Variants in RBFOX2 observed in about 807,000 individuals in gnomAD.
RBFOX2 encodes RNA binding fox-1 homolog 2, also known as RNA binding protein fox-1 homolog 2.
Under a neutral mutation model 49.1 loss-of-function variants are expected in RBFOX2, and 10 were observed. That is an observed-to-expected ratio of 0.20 (90% CI 0.13 to 0.35). RBFOX2 has a LOEUF of 0.35. Among genes scored for constraint, RBFOX2 ranks in the 10% least tolerant of loss-of-function variants. The pLI is 1.00. For missense variants in RBFOX2, 323 were observed against 486.9 expected (o/e 0.66, Z 3.17); for synonymous variants, 183 against 187.4 (o/e 0.98, Z 0.19).
At chr22:35,903,169 T>C (rs568095333) in intron 1 of RBFOX2, among the ~76,000 whole-genome samples, 1 of 152,190 alleles carries the variant, frequency 6.6e-6, no homozygotes, top group South Asian at 2.1e-4. Context: ...TCTATATCTG[T>C]CTCAATTTCT....
chr22:35,752,614 T>G, intron 9 of RBFOX2: 2 of 983,080 alleles, frequency 2.0e-6, no homozygotes, highest in Non-Finnish European at 2.4e-6. Context: ...CACTCCTACC[T>G]GAGGTATTTT....
chr22:35,745,677 C>T (rs1932341699), intron 11 of RBFOX2, among the ~76,000 whole-genome samples: 2 of 152,184 alleles, frequency 1.3e-5, no homozygotes, highest in South Asian at 2.1e-4. Context: ...GCAAATCATG[C>T]CACTACTCGG....
chr22:35,917,329 G>T (rs190119434), intron 1 of RBFOX2, among the ~76,000 whole-genome samples: 58 of 152,054 alleles, frequency 3.8e-4, no homozygotes, highest in Non-Finnish European at 2.9e-5. Flanking sequence ...AGCCGTCAGG[G>T]TCATGTTGAA....
chr22:35,965,276 A>G (rs2149979209), upstream of RBFOX2, among the ~76,000 whole-genome samples: 1 of 152,330 alleles, frequency 6.6e-6, no homozygotes, highest in African/African-American at 2.4e-5. Flanking sequence ...TACTAAGGCC[A>G]GGTTCAGAAT....
chr22:35,927,604 C>CAAA lies in RBFOX2; in HGVS notation c.-34+11240_-34+11242dup, dbSNP rs361700. Among the ~76,000 whole-genome samples the CAAA allele has an allele frequency of 4.2e-3, 204 of 48,568 alleles. 5 individuals are homozygous for CAAA. Among genetic ancestry groups the CAAA allele is most frequent in the African/African-American group, 6.9e-3 (91 of 13,156 alleles). 31.9% of individuals were successfully genotyped at this position (48,568 alleles called of 152,430 possible). ...GGGCAACAAGAGTGAAACTCCGTCT[C>CAAA]AAAAAAAAAAAAAAAAAAAAAAGCA... On this transcript the variant is annotated intron_variant, in intron 1 of 13. Coordinates refer to the RBFOX2 transcript ENST00000359369.
intron 1 of RBFOX2, among the ~76,000 whole-genome samples, chr22:35,985,617 G>A (rs1411939918): frequency 6.6e-6 from 1 of 152,126 alleles, no homozygotes; most frequent in East Asian, 1.9e-4. Flanking sequence ...CCCATGTGTG[G>A]GAGCCACACC....
At chr22:35,781,474 T>C in intron 3 of RBFOX2, 126 bp downstream of exon 4, 15 of 1,255,848 alleles carry the variant, frequency 1.2e-5, no homozygotes, top group Non-Finnish European at 1.7e-5. Flanking sequence ...ATGAAAAGAC[T>C]GATTTACCTC....
chr22:35,843,458 C>G (rs1434146774), upstream of RBFOX2, among the ~76,000 whole-genome samples: 1 of 152,208 alleles, frequency 6.6e-6, no homozygotes, highest in African/African-American at 2.4e-5. Flanking sequence ...AGTGTTTCAT[C>G]CAATCTCCAG....
At chr22:35,806,950 C>CT (rs1294705748) in intron 2 of RBFOX2, among the ~76,000 whole-genome samples, 1 of 152,024 alleles carries the variant, frequency 6.6e-6, no homozygotes, top group Non-Finnish European at 1.5e-5. Context: ...ATTACAGGCG[C>CT]ACACCACCAC....
At chr22:35,844,741 G>A (rs1471470506), upstream of RBFOX2, among the ~76,000 whole-genome samples, 1 of 150,334 alleles carries the variant, frequency 6.7e-6, no homozygotes, top group Non-Finnish European at 1.5e-5. Flanking sequence ...CCTGACCTCA[G>A]GTGATCCAAC....
intron 1 of RBFOX2, among the ~76,000 whole-genome samples, chr22:35,945,990 C>A (rs976745052): frequency 6.6e-5 from 10 of 152,074 alleles, no homozygotes; most frequent in African/African-American, 2.2e-4. Flanking sequence ...CCACATTTAC[C>A]GCTCCCCCCT....
At chr22:35,804,010 T>C (rs946309935) in intron 2 of RBFOX2, among the ~76,000 whole-genome samples, 4 of 152,256 alleles carry the variant, frequency 2.6e-5, no homozygotes, top group African/African-American at 9.6e-5. Flanking sequence ...CTGGGCGCAG[T>C]GGCTCATGCC....
At chr22:36,028,526 G>GC (rs1221591662) in exon 1 of RBFOX2, 2 of 975,662 alleles carry the variant, frequency 2.0e-6, no homozygotes, top group Non-Finnish European at 2.4e-6. Flanking sequence ...GCGCGCGCCT[G>GC]CCCCCGCCCC....
At chr22:35,908,293 A>AT (rs1305442781) in intron 1 of RBFOX2, among the ~76,000 whole-genome samples, 1 of 152,204 alleles carries the variant, frequency 6.6e-6, no homozygotes, top group African/African-American at 2.4e-5. Flanking sequence ...TTACAATGGG[A>AT]TTTTGTCCCT....
intron 1 of RBFOX2, among the ~76,000 whole-genome samples, chr22:35,930,023 T>C (rs1044203191): frequency 6.8e-6 from 1 of 147,276 alleles, no homozygotes; most frequent in African/African-American, 2.5e-5. Context: ...AGAACTTTTT[T>C]TTTTTTTTTT....
At chr22:36,017,210 G>A (rs1271490293) in intron 1 of RBFOX2, among the ~76,000 whole-genome samples, 3 of 152,044 alleles carry the variant, frequency 2.0e-5, no homozygotes, top group African/African-American at 7.2e-5. Context: ...AAGTGTCTCC[G>A]CTTGGTATTT....
intron 2 of RBFOX2, among the ~76,000 whole-genome samples, chr22:35,809,055 T>TAAA (rs573632268): frequency 7.3e-6 from 1 of 136,320 alleles, no homozygotes; most frequent in Non-Finnish European, 1.6e-5. Context: ...GCATTTGCAT[T>TAAA]AAAAAAAAAA....
intron 1 of RBFOX2, among the ~76,000 whole-genome samples, chr22:35,960,275 G>T (rs1241217398): frequency 6.6e-6 from 1 of 152,162 alleles, no homozygotes; most frequent in African/African-American, 2.4e-5. Context: ...ACCACACTGT[G>T]AGGTTGGTAC....
At chr22:35,752,259 A>C (rs1935227654) in intron 9 of RBFOX2, among the ~76,000 whole-genome samples, 1 of 152,200 alleles carries the variant, frequency 6.6e-6, no homozygotes, top group African/African-American at 2.4e-5. Context: ...TAGTAAGAAA[A>C]TGTCCCCAAC....
Sources: allele counts gnomAD v4.1 joint callset (sites outside exome capture counted in the v4.1 genomes callset), GRCh38; gene constraint gnomAD v4.1.1; transcripts MANE v1.5; gene names NCBI Gene and HGNC (gene_info 2026-07-23, HGNC 2026-07-21).